The following VPS35L variants were observed in gnomAD, a reference collection of about 807,000 sequenced individuals.
VPS35L encodes VPS35 endosomal protein-sorting factor-like.
In VPS35L, 83 loss-of-function variants were observed where a neutral mutation model predicts 133.0. The observed-to-expected ratio is 0.62, with a 90% CI of 0.52 to 0.75. The LOEUF (loss-of-function observed/expected upper bound fraction) is 0.75. Ranked by LOEUF, VPS35L falls within the 30% of genes least tolerant of loss-of-function variation. The pLI, the probability that VPS35L is intolerant of heterozygous loss-of-function variation, is 0.00. For missense variants in VPS35L, 1,083 were observed against 1,206.8 expected (o/e 0.90, Z 1.52); for synonymous variants, 423 against 449.9 (o/e 0.94, Z 0.76).
intron 7 of VPS35L, among the ~76,000 whole-genome samples, chr16:19,591,108 C>T (rs226865): frequency 0.71 from 108,299 of 152,124 alleles, 39,699 homozygotes; most frequent in African/African-American, 0.87. Context: ...CATGTATTCA[C>T]TGAAGCTTAT....
chr16:19,663,513 T>C (rs1974555722), intron 26 of VPS35L, among the ~76,000 whole-genome samples: 1 of 151,728 alleles, frequency 6.6e-6, no homozygotes, highest in Non-Finnish European at 1.5e-5. Flanking sequence ...TTTGTCCTTT[T>C]TTTTTCTTTT....
chr16:19,575,192 A>G, intron 5 of VPS35L, 70 bp downstream of exon 5: 7 of 1,450,408 alleles, frequency 4.8e-6, no homozygotes, highest in Non-Finnish European at 6.7e-6. Context: ...TTACAAAGGA[A>G]AAAAGTTTTA....
At chr16:19,602,238 G>A (rs768928225) in intron 9 of VPS35L, among the ~76,000 whole-genome samples, 1 of 151,894 alleles carries the variant, frequency 6.6e-6, no homozygotes, top group Non-Finnish European at 1.5e-5. Context: ...TTCTTTTGTC[G>A]TATAAATGGT....
chr16:19,642,306 T>C (rs1460446747), intron 21 of VPS35L, 90 bp from the exon 22 acceptor site: 3 of 1,088,794 alleles, frequency 2.8e-6, no homozygotes, highest in Non-Finnish European at 4.0e-6. Flanking sequence ...TTGCTGCTTT[T>C]CAAGTGTGTA....
intron 14 of VPS35L, among the ~76,000 whole-genome samples, chr16:19,619,825 A>T (rs1030698756): frequency 1.3e-5 from 2 of 152,188 alleles, no homozygotes; most frequent in African/African-American, 2.4e-5. Flanking sequence ...AGAAGAATTG[A>T]TGTCGGTATG....
intron 23 of VPS35L, among the ~76,000 whole-genome samples, chr16:19,647,192 T>C (rs1441336501): frequency 6.6e-6 from 1 of 152,234 alleles, no homozygotes; most frequent in Non-Finnish European, 1.5e-5. Flanking sequence ...ACTCATCATG[T>C]GGTATTTATC....
intron 2 of VPS35L, 64 bp from the exon 3 acceptor site, chr16:19,569,360 C>T: frequency 6.4e-7 from 1 of 1,562,136 alleles, no homozygotes; most frequent in African/African-American, 1.4e-5. Context: ...AAAGTACCCA[C>T]TGGAGTGTTT....
At chr16:19,634,552 T>C (rs1473145802) in intron 19 of VPS35L, among the ~76,000 whole-genome samples, 8 of 151,966 alleles carry the variant, frequency 5.3e-5, no homozygotes, top group African/African-American at 1.9e-4. Context: ...TTATAGCCCA[T>C]TGAGTAAAAT....
chr16:19,649,234 A>G (rs1161800411), intron 24 of VPS35L, among the ~76,000 whole-genome samples: 1 of 152,046 alleles, frequency 6.6e-6, no homozygotes, highest in Non-Finnish European at 1.5e-5. Context: ...AAGGTGATCC[A>G]CCTGCCTCGG....
intron 2 of VPS35L, among the ~76,000 whole-genome samples, chr16:19,568,795 A>G (rs1479051207): frequency 6.6e-6 from 1 of 152,132 alleles, no homozygotes; most frequent in Non-Finnish European, 1.5e-5. Context: ...ACAGGCATGT[A>G]CCACCACACC....
intron 27 of VPS35L, among the ~76,000 whole-genome samples, chr16:19,671,341 C>T (rs1327801897): frequency 1.3e-5 from 2 of 151,366 alleles, no homozygotes; most frequent in Non-Finnish European, 2.9e-5. Context: ...TGGTGGTGGG[C>T]ACCTGCAATC....
At chr16:19,666,902 T>TTCTA (rs1974689647) in intron 26 of VPS35L, among the ~76,000 whole-genome samples, 1 of 79,986 alleles carries the variant, frequency 1.3e-5, no homozygotes, top group Non-Finnish European at 2.5e-5. Flanking sequence ...CTTTCTTTCT[T>TTCTA]TCTTTCTTTC....
At position 19,696,187 on chromosome 16, in the gene VPS35L, C is replaced by CT. The variant is rs575333974; in HGVS notation, c.2647-3312dup. Among the ~76,000 whole-genome samples the CT allele has an allele frequency of 8.5e-5, 13 of 152,284 alleles. No homozygotes were observed. The South Asian group carries it at 2.7e-3, about 32-fold the overall frequency. On this transcript the variant is annotated intron_variant, in intron 29 of 30. Coordinates refer to ENST00000417362, the MANE Select transcript of VPS35L (RefSeq NM_020314.7). ...GCATAAGCCACCGTGCCCGGCTATC[C>CT]TTTGTTTTAATGGTGCAATTTGAAG...
At chr16:19,576,136 A>G (rs1195470764) in intron 5 of VPS35L, among the ~76,000 whole-genome samples, 1 of 145,764 alleles carries the variant, frequency 6.9e-6, no homozygotes, top group South Asian at 2.2e-4. Context: ...ATTGCATTCC[A>G]TTCTGGGTGA....
chr16:19,655,267 T>G (rs1974260718), intron 26 of VPS35L, among the ~76,000 whole-genome samples: 1 of 152,180 alleles, frequency 6.6e-6, no homozygotes, highest in Non-Finnish European at 1.5e-5. Context: ...TTTACTCAAG[T>G]CTCTAAATGC....
At chr16:19,638,352 C>T (rs1973684276) in intron 20 of VPS35L, among the ~76,000 whole-genome samples, 1 of 152,190 alleles carries the variant, frequency 6.6e-6, no homozygotes, top group Admixed American at 6.5e-5. Flanking sequence ...TTCATACCAC[C>T]ACGGGGAAGT....
intron 26 of VPS35L, among the ~76,000 whole-genome samples, chr16:19,654,218 G>A (rs559054506): frequency 6.6e-6 from 1 of 152,252 alleles, no homozygotes; most frequent in African/African-American, 2.4e-5. Flanking sequence ...AGCTAGAGTA[G>A]CCGCCCTGCC....
chr16:19,638,574 C>G (rs183769729), intron 20 of VPS35L, among the ~76,000 whole-genome samples: 3 of 152,274 alleles, frequency 2.0e-5, no homozygotes, highest in African/African-American at 7.2e-5. Context: ...AACAATATGC[C>G]AGCATTGCTA....
intron 6 of VPS35L, among the ~76,000 whole-genome samples, chr16:19,580,154 C>G (rs1416686506): frequency 6.6e-6 from 1 of 151,972 alleles, no homozygotes. Flanking sequence ...CGCTCTGTCA[C>G]CCAGGCTGGA....
Sources: allele counts gnomAD v4.1 joint callset (sites outside exome capture counted in the v4.1 genomes callset), GRCh38; gene constraint gnomAD v4.1.1; transcripts MANE v1.5; gene names NCBI Gene and HGNC (gene_info 2026-07-23, HGNC 2026-07-21).